The following ALDH2 variants were observed in gnomAD, a reference collection of about 807,000 sequenced individuals.
ALDH2 encodes the protein aldehyde dehydrogenase 2 family member.
ALDH2 carries 44 observed loss-of-function variants against 59.6 expected under a neutral mutation model. That is an observed-to-expected ratio of 0.74 (90% confidence interval 0.58 to 0.95). The LOEUF (loss-of-function observed/expected upper bound fraction) is 0.95, where lower values mean the gene tolerates loss of function less well. Among genes scored for constraint, ALDH2 ranks in the 40% least tolerant of loss-of-function variants. The probability of loss-of-function intolerance (pLI) is 0.00; values close to 1 mark genes in which losing one functional copy is unlikely to be tolerated. For missense variants in ALDH2, 570 were observed against 696.3 expected (o/e 0.82, Z 2.04); for synonymous variants, 291 against 284.0 (o/e 1.02, Z -0.25).
At chr12:111,775,655 A>T (rs2068229650) in intron 1 of ALDH2, 1 of 455,754 alleles carries the variant, frequency 2.2e-6, no homozygotes, top group Non-Finnish European at 4.4e-6. Flanking sequence ...TGGAAACTAT[A>T]AAGAGGAAGT....
At position 111,799,992 on chromosome 12, in the gene ALDH2, C is replaced by T. The variant is rs772193708; in HGVS notation, c.1335C>T (p.Ala445=). 2.0e-5 allele frequency: 32 copies of T among 1,613,762 alleles called. No homozygotes were observed. In the East Asian group the frequency reaches 2.9e-4, roughly 15 times the overall value. ...CCAACAATTCCACGTACGGGCTGGC[C>T]GCAGCTGTCTTCACAAAGGATTTGG... is the stretch of plus-strand genomic sequence containing the variant. ...GRANNSTYGL[A]AAVFTKDLDK... The change falls in exon 11 of 13, where the codon GCC becomes GCT. Residue 445 remains alanine (A), a synonymous_variant. Coordinates refer to ENST00000261733, the MANE Select transcript of ALDH2 (RefSeq NM_000690.4).
chr12:111,807,414 G>T (rs370595682), intron 12 of ALDH2, among the ~76,000 whole-genome samples: 11 of 152,268 alleles, frequency 7.2e-5, no homozygotes, highest in African/African-American at 2.4e-4. Flanking sequence ...TCCACTGCCC[G>T]AGCAGAGTCC....
chr12:111,793,049 T>C (rs2136019816), intron 9 of ALDH2, among the ~76,000 whole-genome samples: 1 of 152,006 alleles, frequency 6.6e-6, no homozygotes, highest in East Asian at 1.9e-4. Flanking sequence ...ATACCAGGAG[T>C]GTCTGCAAAA....
rs752652573 is a variant in ALDH2 at position 111,790,508 on chromosome 12, G to A, written c.627G>A (p.Lys209=). The A allele has an allele frequency of 3.1e-6, 5 of 1,614,024 alleles. No individual in the cohort carries two copies. In the East Asian group the frequency reaches 1.1e-4, roughly 36 times the overall value. The change falls in exon 6 of 13, where the codon AAG becomes AAA. Residue 209 remains lysine, a synonymous_variant. Coordinates refer to ENST00000261733, the MANE Select transcript of ALDH2 (RefSeq NM_000690.4). ...CAACTGGAAACGTGGTTGTGATGAA[G>A]GTAGCTGAGCAGACACCCCTCACCG... ...ALATGNVVVM[K]VAEQTPLTAL...
At chr12:111,798,040 T>TC in intron 9 of ALDH2, 38 bp from the exon 10 acceptor site, 1 of 1,613,272 alleles carries the variant, frequency 6.2e-7, no homozygotes, top group Non-Finnish European at 8.5e-7. Flanking sequence ...GAGGTCTGAA[T>TC]CCGATGTCTC....
rs1425331134 is a variant in ALDH2, at chr12:111,799,894, C to G, written c.1249-12C>G. The G allele has an allele frequency of 6.2e-7, 1 of 1,611,842 alleles. No homozygotes were observed. Among genetic ancestry groups the G allele is most frequent in the Admixed American group, 1.7e-5 (1 of 59,878 alleles). The stretch of plus-strand genomic sequence containing the variant: ...TGTTGCCGAACCCTCCTACGCTGCT[C>G]TCTCACTCCAGATCTTCGGGCCAGT... On this transcript the variant is annotated splice_polypyrimidine_tract_variant and intron_variant, in intron 10 of 12. Coordinates refer to ENST00000261733, the MANE Select transcript of ALDH2 (RefSeq NM_000690.4).
Position 111,814,923 on chromosome 12 carries a change from T to C in ALDH2, c.*5348T>C, listed in dbSNP as rs543444931. On this transcript the variant is annotated 3_prime_UTR_variant, in exon 13 of 13. Transcript: ENST00000261733. ...GGTCCCAGAGCTGGTCAGGGGAACT[T>C]GGACAAACCACACAACTTCTGAGCT... The C allele has an allele frequency of 3.3e-5, 5 of 152,306 alleles. No individual in the cohort carries two copies. In the East Asian group the frequency reaches 5.8e-4, roughly 18 times the overall value. 9.4% of individuals were successfully genotyped at this position (152,306 alleles called of 1,614,324 possible).
chr12:111,783,845 TG>T (rs1435512680), intron 3 of ALDH2, among the ~76,000 whole-genome samples: 3 of 152,042 alleles, frequency 2.0e-5, no homozygotes, highest in African/African-American at 7.2e-5. Flanking sequence ...AAGAAGGATC[TG>T]GGGGAGGGGA....
Position 111,782,032 on chromosome 12 carries a change from G to C in ALDH2, c.219+10G>C. 1 of 1,598,698 alleles carries C rather than the reference G, an allele frequency of 6.3e-7. No individual in the cohort carries two copies. Among genetic ancestry groups the C allele is most frequent in the East Asian group, 2.2e-5 (1 of 44,808 alleles). The stretch of plus-strand genomic sequence containing the variant: ...AGCTGAAGGGGACAAGGTGAGAACT[G>C]GTGACTTACCTTGGGGGAGGGATGG... On this transcript the variant is annotated intron_variant, in intron 2 of 12. Coordinates refer to ENST00000261733, the MANE Select transcript of ALDH2 (RefSeq NM_000690.4).
At chr12:111,800,882 A>G (rs2068446633) in intron 11 of ALDH2, among the ~76,000 whole-genome samples, 1 of 152,188 alleles carries the variant, frequency 6.6e-6, no homozygotes, top group Non-Finnish European at 1.5e-5. Flanking sequence ...TCTTCACAGC[A>G]GCATTATTTG....
At chr12:111,792,249 A>G in intron 8 of ALDH2, 86 bp downstream of exon 8, 4 of 1,063,386 alleles carry the variant, frequency 3.8e-6, no homozygotes, top group Non-Finnish European at 5.6e-6. Context: ...TCGCCCCCCC[A>G]GTGCCCAATG....
chr12:111,783,789 C>A (rs925233340), intron 3 of ALDH2, among the ~76,000 whole-genome samples: 1 of 152,142 alleles, frequency 6.6e-6, no homozygotes, highest in African/African-American at 2.4e-5. Flanking sequence ...GGATTACAGG[C>A]GTGAGCCACC....
At chr12:111,778,200 A>G (rs2068247121) in intron 1 of ALDH2, among the ~76,000 whole-genome samples, 1 of 152,192 alleles carries the variant, frequency 6.6e-6, no homozygotes, top group Non-Finnish European at 1.5e-5. Context: ...ATGAGGAAAC[A>G]AAGACACAGG....
At chr12:111,787,500 C>G (rs7311852) in intron 4 of ALDH2, among the ~76,000 whole-genome samples, 2,588 of 152,248 alleles carry the variant, frequency 0.017, 80 homozygotes, top group African/African-American at 0.057. Flanking sequence ...CAGCTGTGGC[C>G]AAGGGTGGAC....
At chr12:111,792,246 C>G (rs1346633667) in intron 8 of ALDH2, 83 bp downstream of exon 8, 3 of 1,083,358 alleles carry the variant, frequency 2.8e-6, no homozygotes, top group Admixed American at 4.6e-5. Flanking sequence ...CTGTCGCCCC[C>G]CCAGTGCCCA....
At position 111,791,402 on chromosome 12, in the gene ALDH2, T is replaced by C; in HGVS notation, c.778T>C (p.Phe260Leu). Residue 260 changes from phenylalanine to leucine, a missense_variant, in exon 7 of 13, where the codon TTC (phenylalanine) becomes CTC (leucine). Physicochemically the swap from Phe to Leu is conservative, Grantham distance 22 (BLOSUM62 0). Coordinates refer to ENST00000261733, the MANE Select transcript of ALDH2 (RefSeq NM_000690.4). ...ASHEDVDKVA[F>L]TGSTEIGRVI... ...CCATGAGGATGTGGACAAAGTGGCA[T>C]TCACAGGCTCCACTGAGGTAAGGTG... is the stretch of plus-strand genomic sequence containing the variant. The C allele has an allele frequency of 6.2e-7, 1 of 1,613,620 alleles. No individual in the cohort carries two copies. Among genetic ancestry groups the C allele is most frequent in the Non-Finnish European group, 8.5e-7 (1 of 1,179,720 alleles).
intron 9 of ALDH2, among the ~76,000 whole-genome samples, chr12:111,793,143 A>G (rs1169091318): frequency 6.6e-6 from 1 of 152,192 alleles, no homozygotes; most frequent in African/African-American, 2.4e-5. Context: ...TTCGTGTCTG[A>G]GAGCCATGGT....
At chr12:111,808,597 C>T (rs1394825426) in intron 12 of ALDH2, among the ~76,000 whole-genome samples, 1 of 151,770 alleles carries the variant, frequency 6.6e-6, no homozygotes, top group African/African-American at 2.4e-5. Context: ...CCCACCTACT[C>T]GGGAGGCTGA....
intron 12 of ALDH2, among the ~76,000 whole-genome samples, chr12:111,808,401 T>C (rs2068512876): frequency 6.6e-6 from 1 of 151,994 alleles, no homozygotes; most frequent in Non-Finnish European, 1.5e-5. Context: ...CTCAAGAAAG[T>C]TGTTTAAAAA....
Sources: gnomAD v4.1 joint callset for allele counts (sites outside exome capture counted in the v4.1 genomes callset) on GRCh38, gnomAD v4.1.1 for gene constraint, MANE v1.5 for transcripts, NCBI Gene and HGNC (gene_info 2026-07-23, HGNC 2026-07-21) for gene names.